The following MPHOSPH9 variants were observed in gnomAD, a reference collection of about 807,000 sequenced individuals.
MPHOSPH9 encodes the protein M-phase phosphoprotein 9.
MPHOSPH9 carries 88 observed loss-of-function variants against 145.5 expected under a neutral mutation model. That is an observed-to-expected ratio of 0.60 (90% CI 0.51 to 0.72). MPHOSPH9 has a LOEUF of 0.72. MPHOSPH9 is among the 30% of genes least tolerant of loss of function. MPHOSPH9 has a pLI of 0.00. For synonymous variants in MPHOSPH9, 435 were observed against 486.2 expected, an observed-to-expected ratio of 0.89 and a Z score of 1.39; for missense variants, 1,238 against 1,386.6, an observed-to-expected ratio of 0.89 and a Z score of 1.70.
At chr12:123,220,746 A>AC (rs1166771085) in intron 5 of MPHOSPH9, among the ~76,000 whole-genome samples, 4 of 151,334 alleles carry the variant, frequency 2.6e-5, no homozygotes, top group African/African-American at 9.7e-5. Flanking sequence ...ACAAAGCAAG[A>AC]CCCCCACCTT....
intron 20 of MPHOSPH9, chr12:123,162,741 GA>G (rs2044161236): frequency 6.1e-6 from 2 of 329,582 alleles, no homozygotes; most frequent in Non-Finnish European, 1.1e-5. Context: ...ACCTTTTCAG[GA>G]AAACAAAGAA....
At chr12:123,152,822 AAT>A, downstream of MPHOSPH9, 1 of 245,306 alleles carries the variant, frequency 4.1e-6, no homozygotes, top group South Asian at 4.2e-5. Flanking sequence ...ATGACAGGTA[AAT>A]ATAATCTACC....
In MPHOSPH9 at chr12:123,163,967, C is replaced by T. The variant is rs369222808; in HGVS notation, c.2891G>A (p.Arg964His). Residue 964 changes from arginine to histidine, a missense_variant, in exon 19 of 24, where the codon CGT (arginine) becomes CAT (histidine). Arg to His is a conservative substitution (Grantham distance 29). This residue lies in a region of MPHOSPH9 where 393 missense variants were observed against 462.5 expected (regional missense o/e 0.85). Transcript: ENST00000606320. ...QRSSSLPPSN[R>H]KSSTPTKREI... Reference sequence around the variant, plus strand: ...ACTCTTACTTGGAGTACTTGATTTACGATTTGAAGGTGGTAAAGATGATGA... The same window carrying T: ...ACTCTTACTTGGAGTACTTGATTTATGATTTGAAGGTGGTAAAGATGATGA... 9.3e-6 allele frequency: 15 copies of T among 1,613,864 alleles called. No homozygotes were observed. Among genetic ancestry groups the T allele is most frequent in the South Asian group, 3.3e-5 (3 of 91,072 alleles).
chr12:123,213,812 G>C (rs763215154), intron 7 of MPHOSPH9, among the ~76,000 whole-genome samples: 2 of 152,180 alleles, frequency 1.3e-5, no homozygotes, highest in Non-Finnish European at 2.9e-5. Flanking sequence ...GAGAGGAGGA[G>C]TCACATGATG....
chr12:123,217,381 T>A (rs972566013), intron 6 of MPHOSPH9, among the ~76,000 whole-genome samples: 1 of 151,820 alleles, frequency 6.6e-6, no homozygotes, highest in Non-Finnish European at 1.5e-5. Context: ...TATTTTTAGT[T>A]AGAGACGGGG....
At chr12:123,225,817 C>T (rs1790096) in intron 3 of MPHOSPH9, among the ~76,000 whole-genome samples, 82,846 of 151,976 alleles carry the variant, frequency 0.55, 27,189 homozygotes, top group Non-Finnish European at 0.71. Flanking sequence ...AGGCAGATTA[C>T]CTGAGGTCAG....
chr12:123,180,742 G>A (rs149003910), intron 14 of MPHOSPH9, among the ~76,000 whole-genome samples: 4,379 of 152,052 alleles, frequency 0.029, 94 homozygotes, highest in Non-Finnish European at 0.044. Flanking sequence ...GCATGGTGGC[G>A]CACACCTGTA....
chr12:123,158,439 CA>C (rs1270272363), intron 23 of MPHOSPH9, among the ~76,000 whole-genome samples: 1 of 152,088 alleles, frequency 6.6e-6, no homozygotes, highest in African/African-American at 2.4e-5. Flanking sequence ...CCTGCCTCTA[CA>C]AAAAAATTTT....
chr12:123,241,138 GTTGT>G (rs200525746), intron 1 of MPHOSPH9, among the ~76,000 whole-genome samples: 4 of 111,628 alleles, frequency 3.6e-5, no homozygotes, highest in Non-Finnish European at 8.4e-5. Flanking sequence ...TTTATTTGGG[GTTGT>G]TTTTTTTTTG....
rs1335205323 is a variant in MPHOSPH9, at chr12:123,159,585, G to C, written c.3450+1196C>G. Reference sequence around the variant, plus strand: ...AGTAGAAATTGTCTCAAACATCCTGGGTTACAACTTGACATATATCCAAAT... The same window carrying C: ...AGTAGAAATTGTCTCAAACATCCTGCGTTACAACTTGACATATATCCAAAT... On this transcript the variant is annotated intron_variant, in intron 23 of 23. Coordinates refer to ENST00000606320, the MANE Select transcript of MPHOSPH9 (RefSeq NM_022782.4). The surrounding 1 kb of genome is among the most constrained non-coding windows in gnomAD (Gnocchi z 4.3). 3 of 152,012 alleles carry C rather than the reference G, an allele frequency of 2.0e-5. No individual in the cohort carries two copies. Among genetic ancestry groups the C allele is most frequent in the African/African-American group, 4.8e-5 (2 of 41,368 alleles). 9.4% of individuals were successfully genotyped at this position (152,012 alleles called of 1,614,324 possible). A position where few individuals can be genotyped will look rare whatever the true frequency, so the allele number is the denominator to read the frequency against.
In MPHOSPH9 at chr12:123,202,254, G is replaced by A. The variant is rs2046254395; in HGVS notation, c.1847C>T (p.Ser616Leu). The A allele has an allele frequency of 6.2e-7, 1 of 1,612,980 alleles. No individual in the cohort carries two copies. Among genetic ancestry groups the A allele is most frequent in the Non-Finnish European group, 8.5e-7 (1 of 1,179,718 alleles). The change falls in exon 11 of 24, where the codon TCA (serine) becomes TTA (leucine). Residue 616 changes from serine to leucine, a missense_variant. Ser to Leu is a moderately radical substitution (Grantham distance 145, BLOSUM62 -2). Around this residue, in one of 3 missense-constraint regions of MPHOSPH9, gnomAD observed 837 missense variants for 897.5 expected, o/e 0.93. Coordinates refer to ENST00000606320, the MANE Select transcript of MPHOSPH9 (RefSeq NM_022782.4). ...HIADLRAYYE[S>L]EINSLKQKLE... ...CTTCTGTTTCAAACTATTTATTTCT[G>A]ATTCATAATAAGCTCGAAGATCTGC...
At chr12:123,197,044 T>G (rs1266757770) in intron 12 of MPHOSPH9, among the ~76,000 whole-genome samples, 4 of 146,898 alleles carry the variant, frequency 2.7e-5, no homozygotes, top group African/African-American at 7.5e-5. Flanking sequence ...TTTTTTTTTT[T>G]TTTTTTTTTT....
Position 123,197,306 on chromosome 12 carries a change from C to T in MPHOSPH9, c.2025+941G>A, listed in dbSNP as rs932157575. Among the ~76,000 whole-genome samples, 10 of 151,796 alleles carry T rather than the reference C, an allele frequency of 6.6e-5. No homozygotes were observed. In the East Asian group the frequency reaches 2.0e-3, roughly 30 times the overall value. Reference sequence around the variant, plus strand: ...AAGTCATCCTCCTGCCTCAGTCTCCCGAGTAGCTGGGACCACAGCTGTGCA... The same window carrying T: ...AAGTCATCCTCCTGCCTCAGTCTCCTGAGTAGCTGGGACCACAGCTGTGCA... On this transcript the variant is annotated intron_variant, in intron 12 of 23. Transcript: ENST00000606320.
intron 6 of MPHOSPH9, among the ~76,000 whole-genome samples, chr12:123,218,104 C>T (rs2047046069): frequency 6.6e-6 from 1 of 151,482 alleles, no homozygotes. Context: ...CCATGTACCA[C>T]CTGTACCACC....
chr12:123,191,620 C>A (rs1465484508), intron 13 of MPHOSPH9, among the ~76,000 whole-genome samples: 1 of 152,144 alleles, frequency 6.6e-6, no homozygotes, highest in Admixed American at 6.6e-5. Context: ...GTCTGAATAC[C>A]ATTTTCCATG....
intron 8 of MPHOSPH9, among the ~76,000 whole-genome samples, chr12:123,204,809 A>G (rs1335246962): frequency 6.6e-6 from 1 of 152,172 alleles, no homozygotes; most frequent in Non-Finnish European, 1.5e-5. Context: ...CAGGAGGCAG[A>G]GGTTGCAGTG....
chr12:123,161,325 T>C lies in MPHOSPH9; in HGVS notation c.3192A>G (p.Glu1064=), dbSNP rs1391031459. The change falls in exon 22 of 24, where the codon GAA becomes GAG. Residue 1064 remains glutamate, a synonymous_variant. Transcript: ENST00000606320. ...DNHVNHSSCP[E]PVPNGVKKVS... ...CTTTCTTCACTCCATTTGGCACCGG[T>C]TCAGGGCAAGAGCTATGATTAACAT... 6.2e-7 allele frequency: 1 copy of C among 1,614,104 alleles called. No homozygotes were observed. Among genetic ancestry groups the C allele is most frequent in the Non-Finnish European group, 8.5e-7 (1 of 1,179,998 alleles).
At chr12:123,192,712 G>A (rs1188189789) in intron 13 of MPHOSPH9, among the ~76,000 whole-genome samples, 1 of 149,398 alleles carries the variant, frequency 6.7e-6, no homozygotes, top group Non-Finnish European at 1.5e-5. Context: ...TAGCTTAACT[G>A]TGAACAATAT....
intron 7 of MPHOSPH9, among the ~76,000 whole-genome samples, chr12:123,210,927 G>A (rs952435585): frequency 5.0e-5 from 7 of 139,708 alleles, no homozygotes; most frequent in Non-Finnish European, 9.3e-5. Context: ...TGAGTAGCTG[G>A]AATTACAGGC....
Sources: gnomAD v4.1 joint callset for allele counts (sites outside exome capture counted in the v4.1 genomes callset) on GRCh38, gnomAD v4.1.1 for gene constraint, gnomAD v4.1.1 regional missense constraint, Gnocchi (gnomAD v3.1) non-coding constraint, MANE v1.5 for transcripts, NCBI Gene and HGNC (gene_info 2026-07-23, HGNC 2026-07-21) for gene names.